OXNAD1: variants seen among roughly 807,000 people sequenced by gnomAD.
The protein encoded by OXNAD1 is oxidoreductase NAD binding domain containing 1.
OXNAD1 carries 34 observed loss-of-function variants against 32.9 expected under a neutral mutation model. The observed-to-expected ratio is 1.03, with a 90% CI of 0.79 to 1.38. The LOEUF is 1.38. Among genes scored for constraint, OXNAD1 ranks in the 40% most tolerant of loss-of-function variants. The pLI is 0.00. For synonymous variants in OXNAD1, 134 were observed against 135.2 expected (o/e 0.99, Z 0.06); for missense variants, 407 against 379.4 (o/e 1.07, Z -0.60).
chr3:16,307,594 A>G (rs2067652214), downstream of OXNAD1, among the ~76,000 whole-genome samples: 1 of 152,194 alleles, frequency 6.6e-6, no homozygotes, highest in Non-Finnish European at 1.5e-5. Context: ...AGTAATTGAG[A>G]GGAAATCAAT....
At chr3:16,283,591 T>G (rs574236753) in intron 4 of OXNAD1, among the ~76,000 whole-genome samples, 30 of 152,284 alleles carry the variant, frequency 2.0e-4, no homozygotes, top group African/African-American at 6.7e-4. Flanking sequence ...CTGCTGTTAC[T>G]TATGGGGAGT....
chr3:16,327,772 A>AG lies in OXNAD1; in HGVS notation c.*31-9340_*31-9339insG, dbSNP rs1444140149. Among the ~76,000 whole-genome samples the AG allele has an allele frequency of 6.8e-6, 1 of 146,758 alleles. No homozygotes were observed. The highest frequency in any genetic ancestry group is 2.0e-4 in the East Asian group (1 of 5,072). On this transcript the variant is annotated intron_variant, in intron 9 of 9. Transcript: ENST00000435829. This position sits in a 1 kb window ranked among gnomAD's most constrained non-coding sequence, Gnocchi z 4.2. ...CGGGATTCCCATCTCAAAAAAAAAA[A>AG]CAAAACGAAAAAAACTTCAGCCCCC... is the stretch of plus-strand genomic sequence containing the variant.
At position 16,318,321 on chromosome 3, in the gene OXNAD1, A is replaced by G. The variant is rs76831594; in HGVS notation, c.*30+14729A>G. Among the ~76,000 whole-genome samples the G allele has an allele frequency of 4.7e-3, 714 of 152,176 alleles. 6 individuals are homozygous for G. The highest frequency in any genetic ancestry group is 0.017 in the African/African-American group (687 of 41,504). On this transcript the variant is annotated intron_variant, in intron 9 of 9. Coordinates refer to the OXNAD1 transcript ENST00000435829. ...ATCTCATTGGTTTCACCAAATACGC[A>G]CTTAAATCTTAGACATTATATAATT... is the stretch of plus-strand genomic sequence containing the variant.
At position 16,286,416 on chromosome 3, in the gene OXNAD1, T is replaced by C. The variant is rs1285036031; in HGVS notation, c.258T>C (p.Ala86=). 15 of 1,613,950 alleles carry C rather than the reference T, an allele frequency of 9.3e-6. No homozygotes were observed. The highest frequency in any genetic ancestry group is 1.2e-5 in the Non-Finnish European group (14 of 1,179,846). The change falls in exon 5 of 9, where the codon GCT becomes GCC. Residue 86 remains alanine, a synonymous_variant. Coordinates refer to ENST00000285083, the MANE Select transcript of OXNAD1 (RefSeq NM_138381.5). ...TGAAGAGCCTCCGCTTGCTTGTTGC[T>C]GATCAAGACTTTTCCTTTAAAGCTG... ...PSVKSLRLLV[A]DQDFSFKAGQ... is the part of the protein sequence containing the mutation.
In OXNAD1 at chr3:16,271,628, T is replaced by C; in HGVS notation, c.120-31T>C. The C allele has an allele frequency of 6.7e-7, 1 of 1,494,512 alleles. No individual in the cohort carries two copies. Among genetic ancestry groups the C allele is most frequent in the Non-Finnish European group, 9.1e-7 (1 of 1,093,218 alleles). The allele number at this position is 1,494,512 out of a possible 1,614,324, so 92.6% of individuals were successfully genotyped here. A position where few individuals can be genotyped will look rare whatever the true frequency, so the allele number is the denominator to read the frequency against. ...TTTTATTATTTTTATGAGGATAATA[T>C]GTAATAACCTAATTTTACTTTCTAT... On this transcript the variant is annotated intron_variant, in intron 3 of 8. Coordinates refer to ENST00000285083, the MANE Select transcript of OXNAD1 (RefSeq NM_138381.5). The surrounding 1 kb of genome is among the most constrained non-coding windows in gnomAD (Gnocchi z 4.6).
chr3:16,286,766 C>G (rs2066102358), intron 5 of OXNAD1, among the ~76,000 whole-genome samples: 1 of 152,174 alleles, frequency 6.6e-6, no homozygotes, highest in Admixed American at 6.5e-5. Flanking sequence ...GGAATGGTTG[C>G]TAACAGAATG....
chr3:16,286,211 T>G, intron 4 of OXNAD1, 131 bp from the exon 5 acceptor site: 1 of 679,670 alleles, frequency 1.5e-6, no homozygotes, highest in South Asian at 1.9e-5. Flanking sequence ...AAAGTGTGTT[T>G]TACCTTGTTT....
intron 2 of OXNAD1, among the ~76,000 whole-genome samples, chr3:16,270,333 C>G (rs1316285767): frequency 6.6e-6 from 1 of 152,160 alleles, no homozygotes; most frequent in Non-Finnish European, 1.5e-5. Context: ...GGTAATTCAT[C>G]TGTGTTACTG....
chr3:16,339,864 T>C (rs1342647739), downstream of OXNAD1: 2 of 152,250 alleles, frequency 1.3e-5, no homozygotes, highest in Non-Finnish European at 2.9e-5. Flanking sequence ...AATGCACCTG[T>C]CCTAGCATTT....
Position 16,345,339 on chromosome 3 carries a change from T to G in OXNAD1, c.*31-3837T>G, listed in dbSNP as rs1479250901. The G allele has an allele frequency of 6.6e-6, 1 of 151,062 alleles. No individual in the cohort carries two copies. The highest frequency in any genetic ancestry group is 2.0e-4 in the East Asian group (1 of 5,128). The allele number at this position is 151,062 out of a possible 1,614,324, so 9.4% of individuals were successfully genotyped here. A position where few individuals can be genotyped will look rare whatever the true frequency, so the allele number is the denominator to read the frequency against. The stretch of plus-strand genomic sequence containing the variant: ...TAGAATTATCTCCCACTTTTTTATC[T>G]CAAACACATTGGGAAAACCTAAAGA... On this transcript the variant is annotated intron_variant, in intron 9 of 9. Coordinates refer to the OXNAD1 transcript ENST00000606098. The surrounding 1 kb of genome is among the most constrained non-coding windows in gnomAD (Gnocchi z 5.2).
chr3:16,317,479 G>C lies in OXNAD1; in HGVS notation c.*30+13887G>C, dbSNP rs569034898. ...GTAGATTTCAGGTTCTGTTGGGGCA[G>C]AGCAGTATTTCTTTTGACTGGCTCT... On this transcript the variant is annotated intron_variant, in intron 9 of 9. Transcript: ENST00000435829. This position sits in a 1 kb window ranked among gnomAD's most constrained non-coding sequence, Gnocchi z 4.3. Among the ~76,000 whole-genome samples, 1 of 152,238 alleles carries C rather than the reference G, an allele frequency of 6.6e-6. No homozygotes were observed. The highest frequency in any genetic ancestry group is 1.9e-4 in the East Asian group (1 of 5,154).
rs925300174 is a variant in OXNAD1 at position 16,288,844 on chromosome 3, C to A, written c.290+2396C>A. On this transcript the variant is annotated intron_variant, in intron 5 of 8. Coordinates refer to ENST00000285083, the MANE Select transcript of OXNAD1 (RefSeq NM_138381.5). The surrounding 1 kb of genome is among the most constrained non-coding windows in gnomAD (Gnocchi z 5.1). The stretch of plus-strand genomic sequence containing the variant: ...ACTCACTCTTGGGTCTGGAGCATGC[C>A]ACCACTGGTCCTCACACAGTGTGCA... Among the ~76,000 whole-genome samples, 3 of 152,206 alleles carry A rather than the reference C, an allele frequency of 2.0e-5. No individual in the cohort carries two copies. Among genetic ancestry groups the A allele is most frequent in the Non-Finnish European group, 4.4e-5 (3 of 68,042 alleles).
rs1431739949 is a variant in OXNAD1 at position 16,344,413 on chromosome 3, T to C, written c.*31-4763T>C. The stretch of plus-strand genomic sequence containing the variant: ...GAAACAACATGTAAAAACAGATACA[T>C]TCAGAAAAGGCGGCTCTGGTTGACA... On this transcript the variant is annotated intron_variant, in intron 9 of 9. Transcript: ENST00000606098. The surrounding 1 kb of genome is among the most constrained non-coding windows in gnomAD (Gnocchi z 4.4). Among the ~76,000 whole-genome samples the C allele has an allele frequency of 6.6e-6, 1 of 152,028 alleles. No homozygotes were observed. Among genetic ancestry groups the C allele is most frequent in the Non-Finnish European group, 1.5e-5 (1 of 68,008 alleles).
At chr3:16,308,383 G>A (rs1048515529), downstream of OXNAD1, among the ~76,000 whole-genome samples, 1 of 152,116 alleles carries the variant, frequency 6.6e-6, no homozygotes, top group Non-Finnish European at 1.5e-5. This position sits in a 1 kb window ranked among gnomAD's most constrained non-coding sequence, Gnocchi z 4.4. Context: ...TGTTATATGG[G>A]ACTCACAGCA....
downstream of OXNAD1, among the ~76,000 whole-genome samples, chr3:16,308,719 G>C (rs115487620): frequency 6.6e-6 from 1 of 151,948 alleles, no homozygotes. This position sits in a 1 kb window ranked among gnomAD's most constrained non-coding sequence, Gnocchi z 4.4. Context: ...AAAATGTTTC[G>C]TGCCCAGAAA....
chr3:16,270,993 G>C lies in OXNAD1; in HGVS notation c.41G>C (p.Cys14Ser), dbSNP rs763269360. 2.1e-5 allele frequency: 34 copies of C among 1,614,036 alleles called. No individual in the cohort carries two copies. The African/African-American group carries it at 4.0e-4, about 19-fold the overall frequency. Residue 14 changes from cysteine (C) to serine (S), a missense_variant, in exon 3 of 9, where the codon TGC becomes TCC. By Grantham distance (112) the Cys-to-Ser change is moderately radical. Transcript: ENST00000285083. ...AAVMIPGLLR[C>S]SVGAIRIEAA... ...GTTATGATTCCTGGGTTGTTGCGGT[G>C]CTCTGTTGGAGCCATCCGTATTGAG... is the stretch of plus-strand genomic sequence containing the variant.
intron 5 of OXNAD1, among the ~76,000 whole-genome samples, chr3:16,293,764 A>G (rs2066581053): frequency 6.6e-6 from 1 of 152,216 alleles, no homozygotes; most frequent in African/African-American, 2.4e-5. Context: ...TCAGCATTTC[A>G]CCATTAAGTA....
downstream of OXNAD1, among the ~76,000 whole-genome samples, chr3:16,350,491 AC>A (rs2072025660): frequency 8.3e-6 from 1 of 121,180 alleles, no homozygotes; most frequent in South Asian, 2.6e-4. Context: ...GAGATGAATC[AC>A]TTTTTTTTTT....
intron 4 of OXNAD1, among the ~76,000 whole-genome samples, chr3:16,279,679 G>C (rs2065609910): frequency 1.3e-5 from 2 of 151,926 alleles, no homozygotes; most frequent in South Asian, 4.2e-4. Context: ...AGTGTTCTTG[G>C]AGCCAGGGGG....
Sources: allele counts gnomAD v4.1 joint callset (sites outside exome capture counted in the v4.1 genomes callset), GRCh38; gene constraint gnomAD v4.1.1; non-coding constraint Gnocchi (gnomAD v3.1); transcripts MANE v1.5; gene names NCBI Gene and HGNC (gene_info 2026-07-23, HGNC 2026-07-21).